The following ZFHX3 variants were observed in gnomAD, a reference collection of about 807,000 sequenced individuals.
The protein encoded by ZFHX3 is zinc finger homeobox 3.
A neutral mutation model predicts 279.1 loss-of-function variants in ZFHX3; 42 were observed. The observed-to-expected ratio is 0.15, with a 90% CI of 0.12 to 0.19. The LOEUF is 0.19. Ranked by LOEUF, ZFHX3 falls within the 10% of genes least tolerant of loss-of-function variation. ZFHX3 has a pLI of 1.00. For synonymous variants in ZFHX3, 2,293 were observed against 1,957.8 expected (o/e 1.17, Z -4.52); for missense variants, 4,981 against 4,754.0 (o/e 1.05, Z -1.40).
intron 1 of ZFHX3, among the ~76,000 whole-genome samples, chr16:73,851,653 A>G (rs1202335482): frequency 6.6e-6 from 1 of 152,244 alleles, no homozygotes; most frequent in African/African-American, 2.4e-5. Flanking sequence ...GCTTCTTTAG[A>G]GGGGACGACG....
intron 3 of ZFHX3, among the ~76,000 whole-genome samples, chr16:73,443,979 T>C (rs746993078): frequency 6.6e-6 from 1 of 152,186 alleles, no homozygotes; most frequent in Non-Finnish European, 1.5e-5. Context: ...CAGGCTGGTC[T>C]TGAATTACTG....
rs950451341 is a variant in ZFHX3 at position 73,725,226 on chromosome 16, G to T, written c.-1607-44986C>A. Among the ~76,000 whole-genome samples the T allele has an allele frequency of 2.6e-5, 4 of 152,156 alleles. No homozygotes were observed. The South Asian group carries it at 8.3e-4, about 32-fold the overall frequency. On this transcript the variant is annotated intron_variant, in intron 1 of 17. Coordinates refer to the ZFHX3 transcript ENST00000641206. ...AACAAATTTAAAGATTTTTAAAAAG[G>T]CTTTTATATATAAAAAGAAAACTAG... is the stretch of plus-strand genomic sequence containing the variant.
chr16:72,803,293 T>C (rs758476037), intron 7 of ZFHX3, among the ~76,000 whole-genome samples: 13 of 152,140 alleles, frequency 8.5e-5, no homozygotes, highest in South Asian at 4.2e-4. Context: ...GATTGCGCCA[T>C]TGCACTCCAG....
At chr16:73,644,433 G>A (rs1299362741) in intron 2 of ZFHX3, among the ~76,000 whole-genome samples, 2 of 152,090 alleles carry the variant, frequency 1.3e-5, no homozygotes, top group Non-Finnish European at 2.9e-5. Flanking sequence ...GCAGAGGGGG[G>A]CAGATTACCT....
Position 73,840,299 on chromosome 16 carries a change from C to T in ZFHX3, c.-1608+51352G>A, listed in dbSNP as rs1054548774. The stretch of plus-strand genomic sequence containing the variant: ...CCATGTCCTTTTGCTGCTAAAAGGC[C>T]CCCTTTTCTCAGTCCCAAAAGCCCC... On this transcript the variant is annotated intron_variant, in intron 1 of 17. Transcript: ENST00000641206. 6.6e-5 allele frequency among the ~76,000 whole-genome samples: 10 copies of T among 152,084 alleles called. No individual in the cohort carries two copies. In the South Asian group the frequency reaches 1.7e-3, roughly 25 times the overall value.
intron 3 of ZFHX3, among the ~76,000 whole-genome samples, chr16:73,416,147 G>A (rs12103413): frequency 0.45 from 65,665 of 145,750 alleles, 14,968 homozygotes; most frequent in East Asian, 0.5. Context: ...AACAAAAAAC[G>A]GAAAACAAAC....
At position 73,536,354 on chromosome 16, in the gene ZFHX3, T is replaced by G. The variant is rs551423297; in HGVS notation, c.-1546-80096A>C. Among the ~76,000 whole-genome samples, 45 of 152,330 alleles carry G rather than the reference T, an allele frequency of 3.0e-4. 4 individuals are homozygous for G. In the South Asian group the frequency reaches 8.9e-3, roughly 30 times the overall value. On this transcript the variant is annotated intron_variant, in intron 2 of 17. Transcript: ENST00000641206. ...AAAAAATAATAAAACAGGTTCTTGG[T>G]AGTGAAAATTTTGGGAGCTACAGCC...
intron 3 of ZFHX3, among the ~76,000 whole-genome samples, chr16:73,364,105 G>A (rs1435394541): frequency 2.0e-5 from 3 of 151,886 alleles, no homozygotes; most frequent in Non-Finnish European, 2.9e-5. Flanking sequence ...ACCAGGAGGC[G>A]GAGGTTGCAG....
intron 5 of ZFHX3, among the ~76,000 whole-genome samples, chr16:72,825,140 C>T (rs983452491): frequency 6.6e-6 from 1 of 152,220 alleles, no homozygotes; most frequent in Non-Finnish European, 1.5e-5. Flanking sequence ...GGCCAAGTGC[C>T]TCAATCAAGG....
At chr16:73,337,894 G>GGGGGC (rs1555510892) in intron 3 of ZFHX3, among the ~76,000 whole-genome samples, 1 of 143,344 alleles carries the variant, frequency 7.0e-6, no homozygotes, top group Non-Finnish European at 1.5e-5. Flanking sequence ...TCCCTTGGCG[G>GGGGGC]GGGGGGGGGT....
intron 5 of ZFHX3, among the ~76,000 whole-genome samples, chr16:73,145,610 T>C (rs964194167): frequency 4.6e-5 from 7 of 152,218 alleles, no homozygotes; most frequent in African/African-American, 1.7e-4. Flanking sequence ...ATGACTGAGT[T>C]TTCCACTTAT....
At chr16:73,543,653 C>T (rs1429968618) in intron 2 of ZFHX3, among the ~76,000 whole-genome samples, 2 of 152,140 alleles carry the variant, frequency 1.3e-5, no homozygotes, top group African/African-American at 4.8e-5. Flanking sequence ...TGAACCCTGC[C>T]CTCTCACCTC....
chr16:73,412,610 G>C (rs535429895), intron 3 of ZFHX3, among the ~76,000 whole-genome samples: 1 of 152,074 alleles, frequency 6.6e-6, no homozygotes, highest in African/African-American at 2.4e-5. Context: ...TAAGACTGCC[G>C]ATGGCCTGAG....
Position 72,810,905 on chromosome 16 carries a change from G to T in ZFHX3, c.3864+672C>A, listed in dbSNP as rs1003583388. 9.2e-5 allele frequency among the ~76,000 whole-genome samples: 14 copies of T among 152,176 alleles called. No individual in the cohort carries two copies. The South Asian group carries it at 2.1e-3, about 23-fold the overall frequency. Reference sequence around the variant, plus strand: ...TTTTCTTTCTTTTTTTAAAGAGATAGAGTCTCCCTCTGTTAGCCAGGCTGC... The same window carrying T: ...TTTTCTTTCTTTTTTTAAAGAGATATAGTCTCCCTCTGTTAGCCAGGCTGC... On this transcript the variant is annotated intron_variant, in intron 7 of 9. Transcript: ENST00000268489.
In ZFHX3 at chr16:72,959,684, C is replaced by G; in HGVS notation, c.462G>C (p.Gly154=). ...TGCCACTGCCACTCCCACAGGCGCCCCCGCCCTGGGTCAGCTGGCTCAGGC... is the reference window on the plus strand; with the variant it reads ...TGCCACTGCCACTCCCACAGGCGCCGCCGCCCTGGGTCAGCTGGCTCAGGC... ...VESLSQLTQG[G]GACGSGSGSG... is the part of the protein sequence containing the mutation. The change falls in exon 2 of 10, where the codon GGG becomes GGC. Residue 154 remains glycine (G), a synonymous_variant. Transcript: ENST00000268489. 1 of 1,613,894 alleles carries G rather than the reference C, an allele frequency of 6.2e-7. No homozygotes were observed. The highest frequency in any genetic ancestry group is 8.5e-7 in the Non-Finnish European group (1 of 1,179,996).
At chr16:72,986,247 C>T (rs1470992798) in intron 1 of ZFHX3, among the ~76,000 whole-genome samples, 5 of 152,236 alleles carry the variant, frequency 3.3e-5, no homozygotes, top group South Asian at 2.1e-4. Flanking sequence ...GAAGCACAGC[C>T]GACAGCCACT....
chr16:72,976,027 A>C (rs1962332411), intron 1 of ZFHX3, among the ~76,000 whole-genome samples: 1 of 152,216 alleles, frequency 6.6e-6, no homozygotes, highest in Non-Finnish European at 1.5e-5. Flanking sequence ...AGAAATTGCC[A>C]GCTCAAGTCA....
chr16:73,068,959 C>A (rs1228531770), intron 8 of ZFHX3, among the ~76,000 whole-genome samples: 1 of 152,214 alleles, frequency 6.6e-6, no homozygotes, highest in African/African-American at 2.4e-5. Flanking sequence ...ATGCGCACTG[C>A]GGGTACTGAC....
intron 1 of ZFHX3, among the ~76,000 whole-genome samples, chr16:73,823,655 T>C (rs780292990): frequency 2.7e-5 from 4 of 148,152 alleles, no homozygotes; most frequent in Non-Finnish European, 5.9e-5. Context: ...GCTTTGGCGC[T>C]ACAATGGCAG....
Sources: allele counts gnomAD v4.1 joint callset (sites outside exome capture counted in the v4.1 genomes callset), GRCh38; gene constraint gnomAD v4.1.1; transcripts MANE v1.5; gene names NCBI Gene and HGNC (gene_info 2026-07-23, HGNC 2026-07-21).